The following WNT2 variants were observed in gnomAD, a reference collection of about 807,000 sequenced individuals.
WNT2 encodes the protein Wnt family member 2, also known as protein Wnt-2.
A neutral mutation model predicts 36.9 loss-of-function variants in WNT2; 12 were observed. The observed-to-expected ratio is 0.33, with a 90% CI of 0.21 to 0.53. WNT2 has a LOEUF of 0.53. WNT2 is among the 20% of genes least tolerant of loss of function. The pLI is 0.95. For missense variants in WNT2, 379 were observed against 473.1 expected (o/e 0.80, Z 1.84); for synonymous variants, 163 against 174.6 (o/e 0.93, Z 0.52).
intron 3 of WNT2, among the ~76,000 whole-genome samples, chr7:117,299,494 C>CTTT (rs113776491): frequency 2.9e-5 from 4 of 138,858 alleles, no homozygotes; most frequent in Non-Finnish European, 1.6e-5. Flanking sequence ...TTCTTTCTTT[C>CTTT]TTTTTTTTTT....
At chr7:117,287,940 A>G (rs1378925710) in intron 4 of WNT2, among the ~76,000 whole-genome samples, 1 of 152,078 alleles carries the variant, frequency 6.6e-6, no homozygotes, top group African/African-American at 2.4e-5. Context: ...GTGAGCTGAG[A>G]TTGGGCCATT....
At position 117,297,615 on chromosome 7, in the gene WNT2, C is replaced by A. The variant is rs749665345; in HGVS notation, c.850G>T (p.Ala284Ser). 1 of 1,603,644 alleles carries A rather than the reference C, an allele frequency of 6.2e-7. No individual in the cohort carries two copies. The highest frequency in any genetic ancestry group is 8.5e-7 in the Non-Finnish European group (1 of 1,171,164). The change falls in exon 4 of 5, where the codon GCA becomes TCA. Residue 284 changes from alanine to serine, a missense_variant. By Grantham distance (99) the Ala-to-Ser change is moderately conservative (BLOSUM62 1). Coordinates refer to ENST00000265441, the MANE Select transcript of WNT2 (RefSeq NM_003391.3). ...SPDYCIRDREAGSLGTAGRVC... is the reference protein window; with the variant it reads ...SPDYCIRDRESGSLGTAGRVC... The stretch of plus-strand genomic sequence containing the variant: ...AAAGAAAGTCTTTTGAACTTACCTG[C>A]CTCTCGGTCCCTGATACAGTAGTCT...
chr7:117,304,758 T>C (rs1794983824), intron 3 of WNT2, among the ~76,000 whole-genome samples: 1 of 152,188 alleles, frequency 6.6e-6, no homozygotes, highest in South Asian at 2.1e-4. Flanking sequence ...TTTAATGGCA[T>C]TCTAATTAGC....
intron 2 of WNT2, among the ~76,000 whole-genome samples, chr7:117,319,527 G>T (rs990013564): frequency 1.3e-5 from 2 of 148,972 alleles, no homozygotes; most frequent in Non-Finnish European, 3.0e-5. Context: ...GGAATTGGGG[G>T]GGGGGGTAGG....
chr7:117,319,489 C>T (rs1795283123), intron 2 of WNT2, among the ~76,000 whole-genome samples: 1 of 144,608 alleles, frequency 6.9e-6, no homozygotes, highest in Non-Finnish European at 1.5e-5. Context: ...TAAGCATTAC[C>T]AAGTGCACAG....
chr7:117,283,668 C>T (rs888946161), intron 4 of WNT2, among the ~76,000 whole-genome samples: 4 of 152,216 alleles, frequency 2.6e-5, no homozygotes, highest in African/African-American at 9.6e-5. Context: ...GTGACCTCAA[C>T]ACCATCAGAA....
Position 117,289,642 on chromosome 7 carries a change from G to T in WNT2, c.853+7970C>A, listed in dbSNP as rs559122229. ...ACTGTTTTATGTTTTTTTATAATTTGCCATTCAATTCACTTCAACACATGT... is the reference window on the plus strand; with the variant it reads ...ACTGTTTTATGTTTTTTTATAATTTTCCATTCAATTCACTTCAACACATGT... On this transcript the variant is annotated intron_variant, in intron 4 of 4. Transcript: ENST00000265441. Among the ~76,000 whole-genome samples the T allele has an allele frequency of 3.9e-5, 6 of 152,246 alleles. No individual in the cohort carries two copies. The South Asian group carries it at 1.2e-3, about 32-fold the overall frequency.
chr7:117,308,250 G>T (rs1181218662), intron 3 of WNT2, among the ~76,000 whole-genome samples: 1 of 152,200 alleles, frequency 6.6e-6, no homozygotes, highest in East Asian at 1.9e-4. Context: ...AAGACATTGT[G>T]ATTTCTTGAG....
At chr7:117,304,873 C>G (rs1459758541) in intron 3 of WNT2, among the ~76,000 whole-genome samples, 1 of 152,194 alleles carries the variant, frequency 6.6e-6, no homozygotes, top group Non-Finnish European at 1.5e-5. Flanking sequence ...ATCAGAGTAA[C>G]AGTCCTGGCT....
chr7:117,289,294 A>G (rs1007081142), intron 4 of WNT2, among the ~76,000 whole-genome samples: 1 of 152,006 alleles, frequency 6.6e-6, no homozygotes, highest in African/African-American at 2.4e-5. Context: ...TCCTGACCTC[A>G]TGATCCTCCT....
At chr7:117,303,195 A>C (rs1794940221) in intron 3 of WNT2, among the ~76,000 whole-genome samples, 1 of 152,192 alleles carries the variant, frequency 6.6e-6, no homozygotes, top group Non-Finnish European at 1.5e-5. Context: ...CCAGGGATGC[A>C]GAGGAGAAGG....
In WNT2 at chr7:117,292,114, G is replaced by A. The variant is rs76855553; in HGVS notation, c.853+5498C>T. On this transcript the variant is annotated intron_variant, in intron 4 of 4. Coordinates refer to ENST00000265441, the MANE Select transcript of WNT2 (RefSeq NM_003391.3). The stretch of plus-strand genomic sequence containing the variant: ...CTTAGGAGCAATCAAAGGCATTGAC[G>A]CTTTTGAAAATCTGAGGGGCTTGTA... Among the ~76,000 whole-genome samples, 697 of 152,226 alleles carry A rather than the reference G, an allele frequency of 4.6e-3. 5 individuals are homozygous for A. The highest frequency in any genetic ancestry group is 0.014 in the African/African-American group (586 of 41,536).
chr7:117,289,044 C>T (rs868056394), intron 4 of WNT2, among the ~76,000 whole-genome samples: 47 of 143,042 alleles, frequency 3.3e-4, no homozygotes, highest in African/African-American at 1.2e-3. Flanking sequence ...CATTAGTTCA[C>T]GTTAGACTTT....
Position 117,322,938 on chromosome 7 carries a change from A to C in WNT2, c.52T>G (p.Trp18Gly). 6.2e-7 allele frequency: 1 copy of C among 1,613,742 alleles called. No individual in the cohort carries two copies. Among genetic ancestry groups the C allele is most frequent in the Non-Finnish European group, 8.5e-7 (1 of 1,179,996 alleles). The change falls in exon 1 of 5, where the codon TGG becomes GGG. Residue 18 changes from tryptophan to glycine, a missense_variant. Transcript: ENST00000265441. The surrounding 1 kb of genome is among the most constrained non-coding windows in gnomAD (Gnocchi z 5.4). ...GAAGAGTTGACCTCGGGGGTGAGCC[A>C]GGTCAAGAGCAGAGGGAGCCAGAGC... ...IWLWLPLLLTWLTPEVNSSWW... is the reference protein window; with the variant it reads ...IWLWLPLLLTGLTPEVNSSWW...
chr7:117,322,945 G>A lies in WNT2; in HGVS notation c.45C>T (p.Leu15=). The A allele has an allele frequency of 6.2e-7, 1 of 1,613,846 alleles. No individual in the cohort carries two copies. The highest frequency in any genetic ancestry group is 8.5e-7 in the Non-Finnish European group (1 of 1,180,018). Residue 15 remains leucine (L), a synonymous_variant, in exon 1 of 5, where the codon CTC becomes CTT. Transcript: ENST00000265441. This position sits in a 1 kb window ranked among gnomAD's most constrained non-coding sequence, Gnocchi z 5.4. ...LGGIWLWLPL[L]LTWLTPEVNS... Reference sequence around the variant, plus strand: ...TGACCTCGGGGGTGAGCCAGGTCAAGAGCAGAGGGAGCCAGAGCCAGATTC... The same window carrying A: ...TGACCTCGGGGGTGAGCCAGGTCAAAAGCAGAGGGAGCCAGAGCCAGATTC...
At chr7:117,300,662 T>C (rs2116362228) in intron 3 of WNT2, among the ~76,000 whole-genome samples, 1 of 151,932 alleles carries the variant, frequency 6.6e-6, no homozygotes, top group Admixed American at 6.5e-5. Flanking sequence ...TAGCCGGAGG[T>C]GGTGGCACGT....
chr7:117,304,040 T>G (rs1794966734), intron 3 of WNT2, among the ~76,000 whole-genome samples: 2 of 152,250 alleles, frequency 1.3e-5, no homozygotes, highest in Admixed American at 6.5e-5. Context: ...TGTTTTCTCT[T>G]TTGATGTATT....
At chr7:117,281,732 T>G (rs180927840) in intron 4 of WNT2, among the ~76,000 whole-genome samples, 2 of 152,194 alleles carry the variant, frequency 1.3e-5, no homozygotes, top group East Asian at 3.9e-4. Flanking sequence ...AATACATGAT[T>G]GGCTGAAGAG....
chr7:117,322,813 G>A lies in WNT2; in HGVS notation c.83+94C>T. Reference sequence around the variant, plus strand: ...CGGGCCAGAATCCGAGACTGCTGCGGCCGCGGGGGAACGCAGCCAGGAAGG... The same window carrying A: ...CGGGCCAGAATCCGAGACTGCTGCGACCGCGGGGGAACGCAGCCAGGAAGG... On this transcript the variant is annotated intron_variant, in intron 1 of 4. Coordinates refer to ENST00000265441, the MANE Select transcript of WNT2 (RefSeq NM_003391.3). This position sits in a 1 kb window ranked among gnomAD's most constrained non-coding sequence, Gnocchi z 5.4. 1 of 1,322,682 alleles carries A rather than the reference G, an allele frequency of 7.6e-7. No homozygotes were observed. The highest frequency in any genetic ancestry group is 1.1e-6 in the Non-Finnish European group (1 of 928,630). 81.9% of individuals were successfully genotyped at this position (1,322,682 alleles called of 1,614,324 possible). A position where few individuals can be genotyped will look rare whatever the true frequency, so the allele number is the denominator to read the frequency against.
Sources: gnomAD v4.1 joint callset for allele counts (sites outside exome capture counted in the v4.1 genomes callset) on GRCh38, gnomAD v4.1.1 for gene constraint, Gnocchi (gnomAD v3.1) non-coding constraint, MANE v1.5 for transcripts, NCBI Gene and HGNC (gene_info 2026-07-23, HGNC 2026-07-21) for gene names.